Variants in ARHGEF38 observed in about 807,000 individuals in gnomAD.
ARHGEF38 encodes Rho guanine nucleotide exchange factor (GEF) 38.
A neutral mutation model predicts 79.9 loss-of-function variants in ARHGEF38; 79 were observed. That is an observed-to-expected ratio of 0.99 (90% CI 0.82 to 1.19). ARHGEF38 has a LOEUF of 1.19. ARHGEF38 is among the 50% of genes most tolerant of loss of function. The probability of loss-of-function intolerance (pLI) is 0.00; values close to 1 mark genes in which losing one functional copy is unlikely to be tolerated. For missense variants in ARHGEF38, 962 were observed against 907.2 expected (o/e 1.06, Z -0.78); for synonymous variants, 366 against 328.3 (o/e 1.11, Z -1.24).
At chr4:105,618,383 A>G (rs1037946692) in intron 3 of ARHGEF38, among the ~76,000 whole-genome samples, 1 of 152,188 alleles carries the variant, frequency 6.6e-6, no homozygotes, top group African/African-American at 2.4e-5. Context: ...CACACCTGTA[A>G]TCCCAGCACT....
intron 3 of ARHGEF38, among the ~76,000 whole-genome samples, chr4:105,617,893 A>T (rs1728572299): frequency 6.6e-6 from 1 of 152,212 alleles, no homozygotes; most frequent in South Asian, 2.1e-4. Context: ...GAAGCCTTTG[A>T]TGGAGCTCCT....
intron 10 of ARHGEF38, among the ~76,000 whole-genome samples, chr4:105,659,962 T>A (rs576056361): frequency 6.6e-6 from 1 of 151,994 alleles, no homozygotes; most frequent in Admixed American, 6.6e-5. Flanking sequence ...ACAACTTATA[T>A]CAACTTTTGA....
intron 1 of ARHGEF38, among the ~76,000 whole-genome samples, chr4:105,579,279 T>A (rs1379907634): frequency 6.6e-6 from 1 of 152,156 alleles, no homozygotes; most frequent in Non-Finnish European, 1.5e-5. Context: ...TGAGTTAGAG[T>A]GGTGAGAGCG....
Position 105,666,231 on chromosome 4 carries a change from A to T in ARHGEF38, c.1600A>T (p.Ile534Phe), listed in dbSNP as rs1236966540. The T allele has an allele frequency of 6.5e-7, 1 of 1,535,414 alleles. No homozygotes were observed. The highest frequency in any genetic ancestry group is 2.0e-5 in the Admixed American group (1 of 50,894). The change falls in exon 11 of 14, where the codon ATC becomes TTC. Residue 534 changes from isoleucine (I) to phenylalanine (F), a missense_variant. By Grantham distance (21) the Ile-to-Phe change is conservative. Transcript: ENST00000420470. ...GATTCAGAATCAAGTACTAGAAGAGATCCAAAATTTGAATTGTGTGAAAGA... is the reference window on the plus strand; with the variant it reads ...GATTCAGAATCAAGTACTAGAAGAGTTCCAAAATTTGAATTGTGTGAAAGA... ...SEIQNQVLEE[I>F]QNLNCVKENS...
At position 105,678,607 on chromosome 4, in the gene ARHGEF38, T is replaced by G. The variant is rs1447267298; in HGVS notation, c.*670T>G. 6.6e-6 allele frequency: 1 copy of G among 152,178 alleles called. No individual in the cohort carries two copies. Among genetic ancestry groups the G allele is most frequent in the East Asian group, 1.9e-4 (1 of 5,200 alleles). The allele number at this position is 152,178 out of a possible 1,614,324, so 9.4% of individuals were successfully genotyped here. On this transcript the variant is annotated 3_prime_UTR_variant, in exon 14 of 14. Coordinates refer to ENST00000420470, the MANE Select transcript of ARHGEF38 (RefSeq NM_001242729.2). The stretch of plus-strand genomic sequence containing the variant: ...TATGCCAGACATTGTTCTAAGTGCT[T>G]TATATGTAGTAACTTGTTTAATATT...
intron 3 of ARHGEF38, among the ~76,000 whole-genome samples, chr4:105,623,276 G>A (rs1245311269): frequency 6.6e-6 from 1 of 152,198 alleles, no homozygotes; most frequent in Non-Finnish European, 1.5e-5. Context: ...TCCAGGAGGT[G>A]ATTGTTGTTA....
At chr4:105,588,151 A>G (rs1266797471) in intron 1 of ARHGEF38, among the ~76,000 whole-genome samples, 1 of 152,160 alleles carries the variant, frequency 6.6e-6, no homozygotes, top group African/African-American at 2.4e-5. Flanking sequence ...CCAAGAAAAC[A>G]CTGTTTATTT....
At chr4:105,620,216 T>C (rs1207702720) in intron 3 of ARHGEF38, among the ~76,000 whole-genome samples, 1 of 152,218 alleles carries the variant, frequency 6.6e-6, no homozygotes, top group Non-Finnish European at 1.5e-5. Flanking sequence ...GTATGAAATG[T>C]GGCTCTTGTT....
chr4:105,577,021 A>G (rs1726535994), intron 1 of ARHGEF38, among the ~76,000 whole-genome samples: 1 of 151,890 alleles, frequency 6.6e-6, no homozygotes, highest in Non-Finnish European at 1.5e-5. Flanking sequence ...GCTAGCTAGT[A>G]TTTTATTGAG....
chr4:105,583,228 T>A (rs185724954), intron 1 of ARHGEF38, among the ~76,000 whole-genome samples: 271 of 152,336 alleles, frequency 1.8e-3, no homozygotes, highest in African/African-American at 6.1e-3. Context: ...GGCCTTGAAA[T>A]TTTAACATAT....
intron 2 of ARHGEF38, among the ~76,000 whole-genome samples, chr4:105,605,935 G>T (rs1728018300): frequency 6.6e-6 from 1 of 151,982 alleles, no homozygotes; most frequent in Admixed American, 6.6e-5. Context: ...CAAATGTTTG[G>T]TAACCCATGG....
At chr4:105,591,452 A>T (rs774702520) in intron 2 of ARHGEF38, among the ~76,000 whole-genome samples, 1 of 152,152 alleles carries the variant, frequency 6.6e-6, no homozygotes, top group Non-Finnish European at 1.5e-5. Flanking sequence ...GGTGGTCTCC[A>T]TCTCCTGACC....
chr4:105,573,393 T>C (rs972401979), intron 1 of ARHGEF38, among the ~76,000 whole-genome samples: 1 of 152,186 alleles, frequency 6.6e-6, no homozygotes, highest in Non-Finnish European at 1.5e-5. Flanking sequence ...CCATTCTGAG[T>C]TAAATTTTGT....
intron 5 of ARHGEF38, among the ~76,000 whole-genome samples, chr4:105,637,200 C>T (rs1174056045): frequency 2.6e-5 from 4 of 151,994 alleles, no homozygotes; most frequent in African/African-American, 7.2e-5. Context: ...AAAGAGCTTA[C>T]AAAATATAAA....
At chr4:105,634,067 G>C (rs1030466613) in intron 4 of ARHGEF38, among the ~76,000 whole-genome samples, 1 of 152,146 alleles carries the variant, frequency 6.6e-6, no homozygotes, top group African/African-American at 2.4e-5. Flanking sequence ...AGATCCACCA[G>C]GATGGTGTAT....
Position 105,667,569 on chromosome 4 carries a change from C to T in ARHGEF38, c.2014C>T (p.Arg672Trp), listed in dbSNP as rs570470008. ...FENISLFVSS[R>W]PASDSVTGTS... ...GAACATCAGCCTCTTCGTGTCTTCA[C>T]GGCCAGCTAGTGACAGTGTCACAGG... Residue 672 changes from arginine to tryptophan, a missense_variant, in exon 13 of 14, where the codon CGG becomes TGG. Coordinates refer to ENST00000420470, the MANE Select transcript of ARHGEF38 (RefSeq NM_001242729.2). The T allele has an allele frequency of 1.2e-5, 19 of 1,536,688 alleles. No homozygotes were observed. Among genetic ancestry groups the T allele is most frequent in the Admixed American group, 1.2e-4 (6 of 51,010 alleles).
At chr4:105,618,920 A>G (rs1728625622) in intron 3 of ARHGEF38, among the ~76,000 whole-genome samples, 1 of 152,190 alleles carries the variant, frequency 6.6e-6, no homozygotes, top group African/African-American at 2.4e-5. Flanking sequence ...ATATTGGTGA[A>G]GCTGGGTAAA....
At position 105,599,539 on chromosome 4, in the gene ARHGEF38, A is replaced by G. The variant is rs536524682; in HGVS notation, c.384+10104A>G. 3.3e-5 allele frequency among the ~76,000 whole-genome samples: 5 copies of G among 152,174 alleles called. No individual in the cohort carries two copies. In the South Asian group the frequency reaches 8.3e-4, roughly 25 times the overall value. ...AGATGATGCATAAACCACAATTTTA[A>G]TTTGCTTTTTTTTGTGCATGTGTAG... is the stretch of plus-strand genomic sequence containing the variant. On this transcript the variant is annotated intron_variant, in intron 2 of 13. Coordinates refer to ENST00000420470, the MANE Select transcript of ARHGEF38 (RefSeq NM_001242729.2).
chr4:105,615,744 C>A (rs951862635), intron 3 of ARHGEF38, among the ~76,000 whole-genome samples: 2 of 152,158 alleles, frequency 1.3e-5, no homozygotes, highest in Non-Finnish European at 2.9e-5. Flanking sequence ...GTTAACGGTT[C>A]TCACTGTAAC....
Sources: allele counts gnomAD v4.1 joint callset (sites outside exome capture counted in the v4.1 genomes callset), GRCh38; gene constraint gnomAD v4.1.1; transcripts MANE v1.5; gene names NCBI Gene and HGNC (gene_info 2026-07-23, HGNC 2026-07-21).